SYNE1: variants seen among roughly 807,000 people sequenced by gnomAD.
The protein encoded by SYNE1 is spectrin repeat containing nuclear envelope protein 1.
In SYNE1, 616 loss-of-function variants were observed where a neutral mutation model predicts 1,111.0. The observed-to-expected ratio is 0.55, with a 90% CI of 0.52 to 0.59. The LOEUF is 0.59. SYNE1 is among the 20% of genes least tolerant of loss of function. The pLI is 0.00. For missense variants in SYNE1, 10,006 were observed against 10,417.0 expected (o/e 0.96, Z 1.72); for synonymous variants, 3,855 against 3,825.8 (o/e 1.01, Z -0.28).
rs572124738 is a variant in SYNE1 at position 152,218,153 on chromosome 6, C to T, written c.22191+104G>A. ...GTTGCAGTGAGCCGAGATCACACCA[C>T]GGCACTCCAGCTTGGGCGACAGAGT... On this transcript the variant is annotated intron_variant, in intron 121 of 145. Transcript: ENST00000367255. The T allele has an allele frequency of 2.1e-5, 29 of 1,357,136 alleles. 1 individual carries two copies. The Middle Eastern group carries it at 6.4e-4, about 30-fold the overall frequency. 84.1% of individuals were successfully genotyped at this position (1,357,136 alleles called of 1,614,324 possible).
rs767133288 is a variant in SYNE1, at chr6:152,331,638, C to T, written c.13047G>A (p.Val4349=). Residue 4349 remains valine (V), a synonymous_variant, in exon 78 of 146, where the codon GTG becomes GTA. Coordinates refer to ENST00000367255, the MANE Select transcript of SYNE1 (RefSeq NM_182961.4). ...SVTNLEELNV[V]QSRFQELMEW... is the part of the protein sequence containing the mutation. ...CCATTAGCTCCTGAAATCTGGACTG[C>T]ACCACATTTAACTCCTCCAAGTTGG... 4 of 1,614,154 alleles carry T rather than the reference C, an allele frequency of 2.5e-6. No individual in the cohort carries two copies. Among genetic ancestry groups the T allele is most frequent in the Non-Finnish European group, 3.4e-6 (4 of 1,180,032 alleles).
rs1400330082 is a variant in SYNE1, at chr6:152,208,209, A to G, written c.22590-3T>C. 8 of 1,613,282 alleles carry G rather than the reference A, an allele frequency of 5.0e-6. No individual in the cohort carries two copies. The highest frequency in any genetic ancestry group is 1.1e-5 in the South Asian group (1 of 91,064). ...TCAATTTCAGGTTGAATTCATCCCT[A>G]GTGAAGAAATAATTACATGGTAAAA... On this transcript the variant is annotated splice_polypyrimidine_tract_variant and splice_region_variant and intron_variant, in intron 124 of 145. Coordinates refer to ENST00000367255, the MANE Select transcript of SYNE1 (RefSeq NM_182961.4).
chr6:152,467,378 C>A (rs1158097700), intron 16 of SYNE1, among the ~76,000 whole-genome samples: 1 of 151,972 alleles, frequency 6.6e-6, no homozygotes, highest in Non-Finnish European at 1.5e-5. Flanking sequence ...TTTAACTAAA[C>A]AAGCAATTCA....
In SYNE1 at chr6:152,264,206, C is replaced by CA. The variant is rs56714685; in HGVS notation, c.18816-2019dup. On this transcript the variant is annotated intron_variant, in intron 100 of 145. Transcript: ENST00000367255. ...TTGGTGACAGAGCAAGACTCCATCTCAAAAAAAAAAAAAAAAAAAAAAAAA... is the reference window on the plus strand; with the variant it reads ...TTGGTGACAGAGCAAGACTCCATCTCAAAAAAAAAAAAAAAAAAAAAAAAAA... Among the ~76,000 whole-genome samples the CA allele has an allele frequency of 9.9e-3, 455 of 45,894 alleles. 20 individuals are homozygous for CA. The highest frequency in any genetic ancestry group is 0.021 in the African/African-American group (231 of 11,140). 30.1% of individuals were successfully genotyped at this position (45,894 alleles called of 152,430 possible).
chr6:152,236,218 C>T lies in SYNE1; in HGVS notation c.20285G>A (p.Cys6762Tyr). 6.2e-7 allele frequency: 1 copy of T among 1,614,102 alleles called. No homozygotes were observed. Among genetic ancestry groups the T allele is most frequent in the Non-Finnish European group, 8.5e-7 (1 of 1,179,998 alleles). ...ATTTAGTTGGCTTTCTAGATCTGAG[C>T]AGCTGATGGATATCAGAAGTCGTTT... ...DGKRLLISISCSDLESQLNQL... is the reference protein window; with the variant it reads ...DGKRLLISISYSDLESQLNQL... Residue 6762 changes from cysteine to tyrosine, a missense_variant, in exon 110 of 146, where the codon TGC (cysteine) becomes TAC (tyrosine). Around this residue, in one of 7 missense-constraint regions of SYNE1, gnomAD observed 2,182 missense variants for 2,287.8 expected, o/e 0.95. Coordinates refer to ENST00000367255, the MANE Select transcript of SYNE1 (RefSeq NM_182961.4).
chr6:152,570,578 G>A (rs1192248395), intron 3 of SYNE1, among the ~76,000 whole-genome samples: 1 of 152,140 alleles, frequency 6.6e-6, no homozygotes, highest in Admixed American at 6.5e-5. Context: ...GGCCACGTTG[G>A]ATCTCCAGTC....
At chr6:152,354,147 A>T (rs1051173222) in intron 67 of SYNE1, among the ~76,000 whole-genome samples, 1 of 152,204 alleles carries the variant, frequency 6.6e-6, no homozygotes, top group Non-Finnish European at 1.5e-5. Context: ...CTCCAAAAAA[A>T]TTAAATAAAA....
At chr6:152,500,434 AC>A (rs1362327761) in intron 10 of SYNE1, among the ~76,000 whole-genome samples, 2 of 152,242 alleles carry the variant, frequency 1.3e-5, no homozygotes, top group African/African-American at 4.8e-5. Flanking sequence ...CTGGCAAGGA[AC>A]AAAAGAGGTT....
chr6:152,510,056 C>T, intron 8 of SYNE1, 137 bp downstream of exon 8: 1 of 890,632 alleles, frequency 1.1e-6, no homozygotes, highest in Non-Finnish European at 1.8e-6. Context: ...CAATTCAAGG[C>T]AAGAGTGAAA....
intron 46 of SYNE1, among the ~76,000 whole-genome samples, chr6:152,401,642 C>T: frequency 6.6e-6 from 1 of 152,192 alleles, no homozygotes; most frequent in East Asian, 1.9e-4. Context: ...GCTAGACCTA[C>T]CCAGAATTCC....
chr6:152,123,603 C>CT (rs1237208113), intron 145 of SYNE1, among the ~76,000 whole-genome samples: 1 of 152,098 alleles, frequency 6.6e-6, no homozygotes, highest in Non-Finnish European at 1.5e-5. Flanking sequence ...CAGCCATTAC[C>CT]TTTTTTTGGT....
At chr6:152,196,125 A>G (rs73619318) in intron 127 of SYNE1, among the ~76,000 whole-genome samples, 5,218 of 152,028 alleles carry the variant, frequency 0.034, 283 homozygotes, top group African/African-American at 0.12. Flanking sequence ...GGGCTCTTCA[A>G]CTCAGCTTGT....
In SYNE1 at chr6:152,367,269, G is replaced by A; in HGVS notation, c.9921C>T (p.Cys3307=). The change falls in exon 62 of 146, where the codon TGC becomes TGT. Residue 3307 remains cysteine (C), a synonymous_variant. Coordinates refer to ENST00000367255, the MANE Select transcript of SYNE1 (RefSeq NM_182961.4). Reference sequence around the variant, plus strand: ...GCACACTTTTGTCGGATGTCGGGTGGCAGTATGAATCCAGCATGTGAATCG... The same window carrying A: ...GCACACTTTTGTCGGATGTCGGGTGACAGTATGAATCCAGCATGTGAATCG... ...TDAIHMLDSY[C]HPTSDKSVLD... is the part of the protein sequence containing the mutation. 1 of 1,614,188 alleles carries A rather than the reference G, an allele frequency of 6.2e-7. No homozygotes were observed. The highest frequency in any genetic ancestry group is 8.5e-7 in the Non-Finnish European group (1 of 1,180,044).
intron 5 of SYNE1, 136 bp downstream of exon 5, chr6:152,525,944 G>T: frequency 1.3e-6 from 1 of 769,608 alleles, no homozygotes; most frequent in Non-Finnish European, 2.2e-6. Context: ...TGCCAGCAGT[G>T]TTTCCAGTAT....
chr6:152,422,432 G>A (rs2098278350), intron 39 of SYNE1, among the ~76,000 whole-genome samples: 1 of 152,028 alleles, frequency 6.6e-6, no homozygotes, highest in Non-Finnish European at 1.5e-5. Context: ...ATATATTTCA[G>A]TTTGCTTTTT....
At chr6:152,323,384 A>G in intron 82 of SYNE1, 94 bp downstream of exon 82, 1 of 1,561,244 alleles carries the variant, frequency 6.4e-7, no homozygotes, top group Non-Finnish European at 8.6e-7. Context: ...GCTTGCAGTG[A>G]GCCGAGATCA....
chr6:152,394,422 C>A (rs1277901551), intron 51 of SYNE1, among the ~76,000 whole-genome samples: 1 of 149,884 alleles, frequency 6.7e-6, no homozygotes, highest in African/African-American at 2.4e-5. Flanking sequence ...AGGTAATGAG[C>A]CCAAGGAGCC....
Position 152,559,472 on chromosome 6 carries a change from A to G in SYNE1, c.68-19451T>C, listed in dbSNP as rs142454882. ...ACCACAAAAAAACATAAAACAAGAG[A>G]TCAGTAATATGAAGAAAATTTGAAA... On this transcript the variant is annotated intron_variant, in intron 3 of 145. Transcript: ENST00000367255. Among the ~76,000 whole-genome samples, 737 of 152,278 alleles carry G rather than the reference A, an allele frequency of 4.8e-3. 4 individuals are homozygous for G. Among genetic ancestry groups the G allele is most frequent in the South Asian group, 0.016 (77 of 4,818 alleles).
chr6:152,276,767 A>G (rs557373768), intron 98 of SYNE1, among the ~76,000 whole-genome samples: 1 of 152,112 alleles, frequency 6.6e-6, no homozygotes, highest in East Asian at 1.9e-4. Context: ...CACAAGAAGG[A>G]GCAGATGATA....
Sources: allele counts gnomAD v4.1 joint callset (sites outside exome capture counted in the v4.1 genomes callset), GRCh38; gene constraint gnomAD v4.1.1; regional missense constraint gnomAD v4.1.1; transcripts MANE v1.5; gene names NCBI Gene and HGNC (gene_info 2026-07-23, HGNC 2026-07-21).